The following GALNTL6 variants were observed in gnomAD, a reference collection of about 807,000 sequenced individuals.
GALNTL6 encodes the protein polypeptide N-acetylgalactosaminyltransferase-like 6.
Under a neutral mutation model 73.7 loss-of-function variants are expected in GALNTL6, and 46 were observed. That is an observed-to-expected ratio of 0.62 (90% CI 0.49 to 0.80). GALNTL6 has a LOEUF of 0.80. GALNTL6 is among the 30% of genes least tolerant of loss of function. GALNTL6 has a pLI of 0.00. For missense variants in GALNTL6, 604 were observed against 755.0 expected (o/e 0.80, Z 2.34); for synonymous variants, 259 against 263.7 (o/e 0.98, Z 0.17).
At chr4:171,898,279 G>C (rs1736984622) in intron 2 of GALNTL6, among the ~76,000 whole-genome samples, 1 of 152,002 alleles carries the variant, frequency 6.6e-6, no homozygotes, top group Non-Finnish European at 1.5e-5. Context: ...AACACAAAAT[G>C]ATACAGCCAC....
At chr4:172,346,593 T>C (rs551019246) in intron 4 of GALNTL6, among the ~76,000 whole-genome samples, 1 of 152,248 alleles carries the variant, frequency 6.6e-6, no homozygotes, top group African/African-American at 2.4e-5. Flanking sequence ...CTATTAATCT[T>C]CTACACTATC....
intron 2 of GALNTL6, among the ~76,000 whole-genome samples, chr4:171,915,470 T>C (rs542096818): frequency 2.6e-4 from 40 of 152,302 alleles, no homozygotes; most frequent in African/African-American, 9.4e-4. Context: ...GGAGTGATAG[T>C]GATTCTAAAT....
At chr4:172,477,293 T>C (rs932623856) in intron 5 of GALNTL6, among the ~76,000 whole-genome samples, 3 of 151,912 alleles carry the variant, frequency 2.0e-5, no homozygotes, top group African/African-American at 7.2e-5. Flanking sequence ...GAGGCTGGCA[T>C]TGACAGACCT....
At chr4:172,242,500 A>G (rs1019506258) in intron 3 of GALNTL6, among the ~76,000 whole-genome samples, 2 of 152,192 alleles carry the variant, frequency 1.3e-5, no homozygotes, top group African/African-American at 4.8e-5. Flanking sequence ...AGTGAACTCA[A>G]CGTTTTTAAA....
chr4:171,890,396 A>G (rs985937937), intron 2 of GALNTL6, among the ~76,000 whole-genome samples: 1 of 152,156 alleles, frequency 6.6e-6, no homozygotes, highest in African/African-American at 2.4e-5. Flanking sequence ...TACATTATCA[A>G]TATGGACACT....
intron 12 of GALNTL6, among the ~76,000 whole-genome samples, chr4:173,034,380 TACC>T (rs1753598144): frequency 6.6e-6 from 1 of 152,198 alleles, no homozygotes; most frequent in Non-Finnish European, 1.5e-5. Context: ...CTTAGCACTG[TACC>T]ACCATCTCAT....
At chr4:172,195,350 A>C (rs1735724409) in intron 2 of GALNTL6, among the ~76,000 whole-genome samples, 1 of 152,204 alleles carries the variant, frequency 6.6e-6, no homozygotes. Flanking sequence ...GGATATTTTA[A>C]CACCCTACTG....
chr4:172,448,820 G>A (rs1561087982), intron 5 of GALNTL6, among the ~76,000 whole-genome samples: 1 of 152,084 alleles, frequency 6.6e-6, no homozygotes, highest in Non-Finnish European at 1.5e-5. Flanking sequence ...TTTTTCTGAT[G>A]CCTTGATTAC....
At chr4:172,845,216 C>CA (rs11336973) in intron 7 of GALNTL6, among the ~76,000 whole-genome samples, 4 of 91,018 alleles carry the variant, frequency 4.4e-5, no homozygotes, top group Non-Finnish European at 4.8e-5. Flanking sequence ...GTCTCTGTCT[C>CA]AAAAAAAAAA....
At chr4:171,968,489 G>A (rs1476860777) in intron 2 of GALNTL6, among the ~76,000 whole-genome samples, 1 of 152,046 alleles carries the variant, frequency 6.6e-6, no homozygotes, top group Non-Finnish European at 1.5e-5. Context: ...TCCTCTTCCT[G>A]TAAGGCTACT....
chr4:172,810,695 TG>T (rs1369684911), intron 6 of GALNTL6, among the ~76,000 whole-genome samples: 6 of 152,196 alleles, frequency 3.9e-5, no homozygotes, highest in African/African-American at 1.2e-4. Context: ...CACATACGCC[TG>T]CACAGGTAAC....
chr4:172,838,562 T>G (rs756161662), intron 7 of GALNTL6, among the ~76,000 whole-genome samples: 3 of 152,208 alleles, frequency 2.0e-5, no homozygotes, highest in Non-Finnish European at 4.4e-5. Context: ...CAGAGCGGCT[T>G]TCTTTTGTCT....
chr4:172,338,347 G>A (rs1107703), intron 4 of GALNTL6, among the ~76,000 whole-genome samples: 23,425 of 151,654 alleles, frequency 0.15, 1,930 homozygotes, highest in East Asian at 0.19. Context: ...TTTTTCTGGT[G>A]CCCAAAATTC....
chr4:172,819,277 A>C (rs1022788187), intron 7 of GALNTL6, among the ~76,000 whole-genome samples: 1 of 152,236 alleles, frequency 6.6e-6, no homozygotes, highest in Non-Finnish European at 1.5e-5. Flanking sequence ...CAGAACTTGC[A>C]GACTCTCTTT....
intron 8 of GALNTL6, among the ~76,000 whole-genome samples, chr4:172,893,555 A>G (rs1746163425): frequency 6.6e-6 from 1 of 152,234 alleles, no homozygotes; most frequent in Admixed American, 6.5e-5. Context: ...GCTGTGCTGT[A>G]GGTACCTTCC....
At chr4:172,206,783 TTTTGTTTTG>T (rs1736128844) in intron 2 of GALNTL6, among the ~76,000 whole-genome samples, 1 of 63,494 alleles carries the variant, frequency 1.6e-5, no homozygotes, top group Non-Finnish European at 4.0e-5. Context: ...GTGTTTTTTG[TTTTGTTTTG>T]TTTTGTTTTT....
chr4:172,937,942 A>G (rs1748706735), intron 9 of GALNTL6, among the ~76,000 whole-genome samples: 1 of 152,226 alleles, frequency 6.6e-6, no homozygotes, highest in Admixed American at 6.5e-5. Flanking sequence ...ATATAGCCAT[A>G]TATATTTGAT....
chr4:172,735,328 C>A (rs1403968529), intron 5 of GALNTL6, among the ~76,000 whole-genome samples: 1 of 152,184 alleles, frequency 6.6e-6, no homozygotes, highest in Non-Finnish European at 1.5e-5. Context: ...TATTTTGGAA[C>A]TTTGAGGTTT....
At chr4:172,871,957 C>G (rs1332687129) in intron 7 of GALNTL6, among the ~76,000 whole-genome samples, 1 of 152,002 alleles carries the variant, frequency 6.6e-6, no homozygotes, top group Admixed American at 6.6e-5. Context: ...CCATGCCCGG[C>G]TAATATTGTA....
Sources: allele counts gnomAD v4.1 joint callset (sites outside exome capture counted in the v4.1 genomes callset), GRCh38; gene constraint gnomAD v4.1.1; transcripts MANE v1.5; gene names NCBI Gene and HGNC (gene_info 2026-07-23, HGNC 2026-07-21).